ATXN7L1: variants seen among roughly 807,000 people sequenced by gnomAD.
The protein encoded by ATXN7L1 is ataxin 7 like 1, also known as ataxin-7-like protein 1.
Under a neutral mutation model 70.8 loss-of-function variants are expected in ATXN7L1, and 15 were observed. The observed-to-expected ratio is 0.21, with a 90% CI of 0.14 to 0.33. ATXN7L1 has a LOEUF of 0.33. Ranked by LOEUF, ATXN7L1 falls within the 10% of genes least tolerant of loss-of-function variation. ATXN7L1 has a pLI of 1.00. For synonymous variants in ATXN7L1, 440 were observed against 445.1 expected, an observed-to-expected ratio of 0.99 and a Z score of 0.14; for missense variants, 975 against 1,097.1, an observed-to-expected ratio of 0.89 and a Z score of 1.57.
chr7:105,752,070 A>C (rs1422698026), intron 3 of ATXN7L1, among the ~76,000 whole-genome samples: 1 of 152,262 alleles, frequency 6.6e-6, no homozygotes, highest in Non-Finnish European at 1.5e-5. Flanking sequence ...GAGCTGGTTA[A>C]GCAGCTTCTA....
At chr7:105,664,964 G>A in intron 4 of ATXN7L1, 102 bp downstream of exon 4, 2 of 1,191,924 alleles carry the variant, frequency 1.7e-6, no homozygotes, top group East Asian at 2.6e-5. Flanking sequence ...ATTCCTGCAT[G>A]TGACACCTAG....
chr7:105,840,271 G>A (rs1813014875), intron 2 of ATXN7L1, among the ~76,000 whole-genome samples: 1 of 152,222 alleles, frequency 6.6e-6, no homozygotes, highest in South Asian at 2.1e-4. Flanking sequence ...GGATTGGAGA[G>A]TCACTAACCA....
chr7:105,804,599 T>C (rs1358280374), intron 2 of ATXN7L1, among the ~76,000 whole-genome samples: 1 of 152,224 alleles, frequency 6.6e-6, no homozygotes, highest in Non-Finnish European at 1.5e-5. Context: ...GGGGCTAGAC[T>C]ATGATAGACC....
chr7:105,653,021 T>C (rs1800096110), intron 4 of ATXN7L1, among the ~76,000 whole-genome samples: 1 of 152,220 alleles, frequency 6.6e-6, no homozygotes, highest in African/African-American at 2.4e-5. Context: ...AAGCACATTT[T>C]CTTTTTAAAC....
intron 7 of ATXN7L1, among the ~76,000 whole-genome samples, chr7:105,631,124 C>T (rs541710082): frequency 2.6e-5 from 4 of 152,116 alleles, no homozygotes; most frequent in African/African-American, 7.2e-5. Context: ...ATGTAGCATG[C>T]GGTAGTTTCC....
intron 9 of ATXN7L1, chr7:105,617,925 CG>C (rs1562897013): frequency 2.2e-6 from 1 of 456,522 alleles, no homozygotes; most frequent in Non-Finnish European, 4.4e-6. Flanking sequence ...CCTCCAGGTT[CG>C]GGCCCGCCGG....
chr7:105,633,028 T>C (rs904210260), intron 7 of ATXN7L1, among the ~76,000 whole-genome samples: 1 of 149,542 alleles, frequency 6.7e-6, no homozygotes, highest in Admixed American at 6.7e-5. Context: ...AAAGAAATGA[T>C]AATCAGAAAA....
intron 2 of ATXN7L1, among the ~76,000 whole-genome samples, chr7:105,791,096 C>CAT (rs1805161680): frequency 6.6e-6 from 1 of 152,246 alleles, no homozygotes; most frequent in South Asian, 2.1e-4. Flanking sequence ...ACAGGTTTAT[C>CAT]ATAGGCAAGG....
intron 3 of ATXN7L1, among the ~76,000 whole-genome samples, chr7:105,695,192 C>G (rs1319474813): frequency 6.6e-6 from 1 of 152,166 alleles, no homozygotes; most frequent in East Asian, 1.9e-4. Flanking sequence ...GAGGCTGAGG[C>G]AGGAGAATTG....
At chr7:105,770,272 G>GTT (rs1801806090) in intron 3 of ATXN7L1, among the ~76,000 whole-genome samples, 1 of 152,216 alleles carries the variant, frequency 6.6e-6, no homozygotes, top group African/African-American at 2.4e-5. Flanking sequence ...GACTGAAATA[G>GTT]TTGTACATAC....
intron 3 of ATXN7L1, among the ~76,000 whole-genome samples, chr7:105,716,837 AC>A (rs921261586): frequency 1.3e-5 from 2 of 152,028 alleles, no homozygotes; most frequent in African/African-American, 4.8e-5. Context: ...CCATGATAGC[AC>A]CACTGCACTC....
intron 3 of ATXN7L1, among the ~76,000 whole-genome samples, chr7:105,772,890 A>G (rs112325767): frequency 1.7e-4 from 26 of 152,256 alleles, no homozygotes; most frequent in African/African-American, 6.3e-4. Context: ...GAGAGATTAT[A>G]TACATTTTTC....
chr7:105,765,970 C>T (rs1228692834), intron 3 of ATXN7L1, among the ~76,000 whole-genome samples: 2 of 151,896 alleles, frequency 1.3e-5, no homozygotes, highest in African/African-American at 4.8e-5. Flanking sequence ...CCAAGGATGT[C>T]TAGTTAATCT....
At chr7:105,689,734 G>A (rs1301549318) in intron 3 of ATXN7L1, among the ~76,000 whole-genome samples, 1 of 152,200 alleles carries the variant, frequency 6.6e-6, no homozygotes, top group African/African-American at 2.4e-5. Flanking sequence ...CCTTAGCATC[G>A]TGTCATAGCC....
At chr7:105,698,528 C>G (rs1287456826) in intron 3 of ATXN7L1, among the ~76,000 whole-genome samples, 2 of 152,100 alleles carry the variant, frequency 1.3e-5, no homozygotes, top group Non-Finnish European at 2.9e-5. Flanking sequence ...CCATGCCTAG[C>G]TAATTTTTTA....
chr7:105,624,134 C>G lies in ATXN7L1; in HGVS notation c.1336G>C (p.Ala446Pro). 1 of 1,530,486 alleles carries G rather than the reference C, an allele frequency of 6.5e-7. No homozygotes were observed. Among genetic ancestry groups the G allele is most frequent in the South Asian group, 1.2e-5 (1 of 81,406 alleles). 94.8% of individuals were successfully genotyped at this position (1,530,486 alleles called of 1,614,324 possible). ...LSSDEGEMDG[A>P]DESEKLDCQF... ...CAGTCTAGCTTCTCGGATTCGTCGG[C>G]TCCGTCCATCTCCCCTTCATCACTG... The change falls in exon 8 of 12, where the codon GCC (alanine) becomes CCC (proline). Residue 446 changes from alanine (A) to proline (P), a missense_variant. Around this residue, in one of 5 missense-constraint regions of ATXN7L1, gnomAD observed 635 missense variants for 699.4 expected, o/e 0.91. Coordinates refer to ENST00000419735, the MANE Select transcript of ATXN7L1 (RefSeq NM_020725.2).
intron 3 of ATXN7L1, among the ~76,000 whole-genome samples, chr7:105,756,134 C>A (rs1799775037): frequency 6.6e-6 from 1 of 152,184 alleles, no homozygotes; most frequent in South Asian, 2.1e-4. Flanking sequence ...CTTTTCCTTA[C>A]AATTTTTCTG....
At position 105,770,454 on chromosome 7, in the gene ATXN7L1, A is replaced by G. The variant is rs140426600; in HGVS notation, c.355+18150T>C. ...TCTCTATTAAAAGCTTGTCTTAAAC[A>G]TAAATTACCAGGAAGCCTGCCCCTT... On this transcript the variant is annotated intron_variant, in intron 3 of 11. Coordinates refer to ENST00000419735, the MANE Select transcript of ATXN7L1 (RefSeq NM_020725.2). Among the ~76,000 whole-genome samples the G allele has an allele frequency of 4.4e-3, 663 of 152,312 alleles. 15 individuals are homozygous for G. The highest frequency in any genetic ancestry group is 0.012 in the East Asian group (61 of 5,184).
At chr7:105,780,799 T>G (rs970017135) in intron 3 of ATXN7L1, among the ~76,000 whole-genome samples, 3 of 152,234 alleles carry the variant, frequency 2.0e-5, no homozygotes, top group African/African-American at 7.2e-5. Flanking sequence ...GTATGTGTGA[T>G]GGGGAAATAA....
Sources: allele counts gnomAD v4.1 joint callset (sites outside exome capture counted in the v4.1 genomes callset), GRCh38; gene constraint gnomAD v4.1.1; regional missense constraint gnomAD v4.1.1; transcripts MANE v1.5; gene names NCBI Gene and HGNC (gene_info 2026-07-23, HGNC 2026-07-21).